Variants in GASK1B observed in about 807,000 individuals in gnomAD.
GASK1B encodes golgi associated kinase 1B.
Under a neutral mutation model 42.8 loss-of-function variants are expected in GASK1B, and 34 were observed. The observed-to-expected ratio is 0.79, with a 90% CI of 0.60 to 1.06. The LOEUF is 1.06. Among genes scored for constraint, GASK1B ranks in the 50% least tolerant of loss-of-function variants. The pLI is 0.00. For synonymous variants in GASK1B, 262 were observed against 259.1 expected, an observed-to-expected ratio of 1.01 and a Z score of -0.11; for missense variants, 686 against 661.0, an observed-to-expected ratio of 1.04 and a Z score of -0.42.
intron 3 of GASK1B, among the ~76,000 whole-genome samples, chr4:158,137,516 A>G (rs1437326078): frequency 1.3e-5 from 2 of 152,194 alleles, no homozygotes. Context: ...CTTTTCATGA[A>G]TTTGTCTTGA....
intron 3 of GASK1B, among the ~76,000 whole-genome samples, chr4:158,154,660 A>G (rs1731690238): frequency 6.6e-6 from 1 of 152,206 alleles, no homozygotes; most frequent in Non-Finnish European, 1.5e-5. Flanking sequence ...TATATACCAT[A>G]GAATACTACT....
At chr4:158,166,737 T>C (rs1732244687) in intron 2 of GASK1B, among the ~76,000 whole-genome samples, 1 of 152,000 alleles carries the variant, frequency 6.6e-6, no homozygotes, top group Admixed American at 6.6e-5. Flanking sequence ...AAAAAGGAGG[T>C]TCCCATGGCT....
intron 3 of GASK1B, among the ~76,000 whole-genome samples, chr4:158,137,250 G>C (rs1325464690): frequency 6.6e-6 from 1 of 151,172 alleles, no homozygotes; most frequent in Non-Finnish European, 1.5e-5. Context: ...ATACATACTA[G>C]GCAGGTTGAC....
In GASK1B at chr4:158,127,457, T is replaced by C; in HGVS notation, c.1510A>G (p.Ile504Val). The change falls in exon 5 of 5, where the codon ATC becomes GTC. Residue 504 changes from isoleucine to valine, a missense_variant. Transcript: ENST00000585682. ...ACCCCGTGTGCATTGATATAGGTGA[T>C]AAGAATTTTGGCTCTGTGTTCTATT... ...DVIEHRAKIL[I>V]TYINAHGVKV... 1.2e-6 allele frequency: 2 copies of C among 1,613,770 alleles called. No homozygotes were observed. Among genetic ancestry groups the C allele is most frequent in the Non-Finnish European group, 8.5e-7 (1 of 1,179,744 alleles).
intron 2 of GASK1B, among the ~76,000 whole-genome samples, chr4:158,163,594 G>T (rs1418097563): frequency 2.9e-4 from 44 of 151,432 alleles, no homozygotes; most frequent in Admixed American, 2.9e-3. Context: ...AAGAGTGTTA[G>T]TATGCGTTAA....
chr4:158,146,681 TC>T (rs1191422596), intron 3 of GASK1B, among the ~76,000 whole-genome samples: 4 of 152,164 alleles, frequency 2.6e-5, no homozygotes, highest in African/African-American at 9.7e-5. Flanking sequence ...GAGTCCCAGT[TC>T]CTAACACAAT....
chr4:158,154,361 A>C (rs1731677033), intron 3 of GASK1B, among the ~76,000 whole-genome samples: 1 of 152,256 alleles, frequency 6.6e-6, no homozygotes, highest in Admixed American at 6.5e-5. Flanking sequence ...ACAAAATAAC[A>C]GATGTTGGCG....
At chr4:158,132,677 GA>G (rs1730727387) in intron 3 of GASK1B, among the ~76,000 whole-genome samples, 1 of 152,162 alleles carries the variant, frequency 6.6e-6, no homozygotes, top group Admixed American at 6.5e-5. Context: ...AATTTTCTAT[GA>G]AGTTTATGTA....
At chr4:158,145,745 C>T (rs928045725) in intron 3 of GASK1B, among the ~76,000 whole-genome samples, 2 of 152,152 alleles carry the variant, frequency 1.3e-5, no homozygotes, top group African/African-American at 4.8e-5. Context: ...TGGTCTCATT[C>T]ATCTTTTATT....
chr4:158,168,571 A>G (rs1375439829), intron 2 of GASK1B: 3 of 152,190 alleles, frequency 2.0e-5, no homozygotes, highest in Non-Finnish European at 2.9e-5. Flanking sequence ...CAACAATCTC[A>G]TATGGTAGGC....
chr4:158,165,350 A>T (rs545610201), intron 2 of GASK1B, among the ~76,000 whole-genome samples: 1 of 152,328 alleles, frequency 6.6e-6, no homozygotes, highest in South Asian at 2.1e-4. Context: ...TTTTTAAATT[A>T]TCGAAATGTA....
At position 158,170,681 on chromosome 4, in the gene GASK1B, A is replaced by G; in HGVS notation, c.695T>C (p.Val232Ala). 6.2e-7 allele frequency: 1 copy of G among 1,614,182 alleles called. No individual in the cohort carries two copies. The highest frequency in any genetic ancestry group is 2.2e-5 in the East Asian group (1 of 44,872). ...AGAGGACACAGGCCGGAGCCCTGCC[A>G]CTGCGCTGTCCGCCAAGAGTCGCAT... ...RRMRLLADSA[V>A]AGLRPVSSRS... Residue 232 changes from valine to alanine, a missense_variant, in exon 2 of 5, where the codon GTG becomes GCG. Physicochemically the swap from Val to Ala is moderately conservative, Grantham distance 64. Transcript: ENST00000585682.
chr4:158,156,056 T>A (rs975415546), intron 2 of GASK1B, among the ~76,000 whole-genome samples: 8 of 152,048 alleles, frequency 5.3e-5, no homozygotes, highest in East Asian at 1.9e-4. Context: ...TGAAAAAAAA[T>A]TTAAACGAGA....
intron 3 of GASK1B, among the ~76,000 whole-genome samples, chr4:158,138,279 C>A (rs4691460): frequency 0.47 from 71,016 of 151,984 alleles, 18,070 homozygotes; most frequent in East Asian, 0.75. Context: ...ATAATTTGCA[C>A]AAGCAGAGAT....
chr4:158,138,431 GA>G, intron 3 of GASK1B, among the ~76,000 whole-genome samples: 1 of 152,214 alleles, frequency 6.6e-6, no homozygotes, highest in African/African-American at 2.4e-5. Flanking sequence ...ATTTAACATG[GA>G]AATGAAATAA....
chr4:158,146,145 G>T (rs1330726923), intron 3 of GASK1B, among the ~76,000 whole-genome samples: 1 of 149,716 alleles, frequency 6.7e-6, no homozygotes, highest in African/African-American at 2.5e-5. Context: ...ATAACTAGTT[G>T]TTTTTTTTTT....
At chr4:158,136,880 G>A (rs1730912920) in intron 3 of GASK1B, among the ~76,000 whole-genome samples, 1 of 152,192 alleles carries the variant, frequency 6.6e-6, no homozygotes, top group Non-Finnish European at 1.5e-5. Flanking sequence ...TTCACCCAAT[G>A]CCTACCACAT....
At chr4:158,137,520 G>T (rs777833719) in intron 3 of GASK1B, among the ~76,000 whole-genome samples, 30 of 152,138 alleles carry the variant, frequency 2.0e-4, no homozygotes, top group Non-Finnish European at 3.4e-4. Flanking sequence ...TCATGAATTT[G>T]TCTTGATGAA....
intron 2 of GASK1B, among the ~76,000 whole-genome samples, chr4:158,161,599 C>T (rs1732010538): frequency 6.6e-6 from 1 of 152,188 alleles, no homozygotes; most frequent in Admixed American, 6.5e-5. Context: ...CTTTCTAGGT[C>T]TGCCCTGAAC....
Sources: allele counts gnomAD v4.1 joint callset (sites outside exome capture counted in the v4.1 genomes callset), GRCh38; gene constraint gnomAD v4.1.1; transcripts MANE v1.5; gene names NCBI Gene and HGNC (gene_info 2026-07-23, HGNC 2026-07-21).